The following C16orf95 variants were observed in gnomAD, a reference collection of about 807,000 sequenced individuals.
C16orf95 encodes the protein uncharacterized protein C16orf95.
A neutral mutation model predicts 32.1 loss-of-function variants in C16orf95; 41 were observed. The observed-to-expected ratio is 1.28, with a 90% CI of 1.00 to 1.66. The LOEUF is 1.66. Among genes scored for constraint, C16orf95 ranks in the 40% most tolerant of loss-of-function variants. C16orf95 has a pLI of 0.00. For synonymous variants in C16orf95, 147 were observed against 128.9 expected (o/e 1.14, Z -0.95); for missense variants, 399 against 325.9 (o/e 1.22, Z -1.73).
rs865882767 is a variant in C16orf95 at position 87,305,621 on chromosome 16, C to A, written c.701+98G>T. On this transcript the variant is annotated intron_variant, in intron 6 of 6. Transcript: ENST00000567970. This position sits in a 1 kb window ranked among gnomAD's most constrained non-coding sequence, Gnocchi z 4.2. Reference sequence around the variant, plus strand: ...GGACGCCTGTCAAGTTAAGCCCCACCCCCCACTCTTCCACATCCCTGATGG... The same window carrying A: ...GGACGCCTGTCAAGTTAAGCCCCACACCCCACTCTTCCACATCCCTGATGG... 3.5e-6 allele frequency: 4 copies of A among 1,132,206 alleles called. No individual in the cohort carries two copies. The highest frequency in any genetic ancestry group is 2.9e-5 in the Admixed American group (1 of 33,930). 70.1% of individuals were successfully genotyped at this position (1,132,206 alleles called of 1,614,324 possible). A position where few individuals can be genotyped will look rare whatever the true frequency, so the allele number is the denominator to read the frequency against.
intron 2 of C16orf95, among the ~76,000 whole-genome samples, chr16:87,315,324 T>C (rs1367960748): frequency 6.6e-6 from 1 of 152,166 alleles, no homozygotes; most frequent in Non-Finnish European, 1.5e-5. Flanking sequence ...GCGCTGGGAT[T>C]CTCAGCTGCT....
chr16:87,316,983 G>T, intron 1 of C16orf95, 108 bp downstream of exon 1: 1 of 1,388,984 alleles, frequency 7.2e-7, no homozygotes, highest in East Asian at 2.8e-5. Flanking sequence ...GGTTCCTGTG[G>T]GTGGCGGTCA....
chr16:87,304,407 C>T (rs1328527703), intron 6 of C16orf95, among the ~76,000 whole-genome samples: 2 of 152,244 alleles, frequency 1.3e-5, no homozygotes, highest in South Asian at 2.1e-4. Context: ...CCCAGCCTTG[C>T]CCATCCTTTA....
At chr16:87,316,321 A>T (rs1904333306) in intron 1 of C16orf95, among the ~76,000 whole-genome samples, 1 of 152,188 alleles carries the variant, frequency 6.6e-6, no homozygotes, top group South Asian at 2.1e-4. Flanking sequence ...ACTTGGGGTT[A>T]CACAGCCTGT....
chr16:87,315,013 T>C lies in C16orf95; in HGVS notation c.288A>G (p.Ala96=). The C allele has an allele frequency of 6.5e-7, 1 of 1,536,098 alleles. No individual in the cohort carries two copies. The highest frequency in any genetic ancestry group is 1.2e-5 in the South Asian group (1 of 84,066). The change falls in exon 3 of 7, where the codon GCA becomes GCG. Residue 96 remains alanine (A), a synonymous_variant. Coordinates refer to ENST00000567970, the MANE Select transcript of C16orf95 (RefSeq NM_001195124.3). ...GRLPVSRVEA[A]LPYWVPLSLR... ...GGGACAGAGGGACCCAGTAAGGCAG[T>C]GCTGCTTCCACCCTGGACACAGGCA... is the stretch of plus-strand genomic sequence containing the variant.
chr16:87,312,569 A>C (rs1054880969), intron 3 of C16orf95, among the ~76,000 whole-genome samples: 3 of 42,418 alleles, frequency 7.1e-5, no homozygotes, highest in Non-Finnish European at 2.4e-4. Context: ...ACTCCATCTC[A>C]AAAAAAAAAA....
chr16:87,310,472 G>A (rs1911231142), intron 4 of C16orf95, 139 bp from the exon 5 acceptor site: 1 of 785,428 alleles, frequency 1.3e-6, no homozygotes, highest in East Asian at 2.7e-5. Flanking sequence ...TATGAGGTCT[G>A]CGGGCTCTTT....
intron 3 of C16orf95, among the ~76,000 whole-genome samples, chr16:87,311,728 TAGAC>T (rs1465921137): frequency 2.6e-5 from 4 of 152,214 alleles, no homozygotes; most frequent in South Asian, 2.1e-4. Context: ...GGTTCTAAAA[TAGAC>T]AGCCTTTGAT....
intron 3 of C16orf95, among the ~76,000 whole-genome samples, chr16:87,312,807 G>C (rs916418041): frequency 6.6e-6 from 1 of 152,044 alleles, no homozygotes; most frequent in Admixed American, 6.5e-5. Flanking sequence ...TCCACAAAAA[G>C]AGCTACTAGA....
chr16:87,314,570 G>A (rs145249779), intron 3 of C16orf95, among the ~76,000 whole-genome samples: 5 of 152,320 alleles, frequency 3.3e-5, no homozygotes, highest in Non-Finnish European at 5.9e-5. Context: ...TTGTGTATAT[G>A]CTCATTATCT....
chr16:87,315,693 G>T, intron 2 of C16orf95, 79 bp downstream of exon 2: 6 of 1,115,290 alleles, frequency 5.4e-6, no homozygotes, highest in South Asian at 3.4e-5. Context: ...GCAGCTTCTG[G>T]ACCCACATTC....
chr16:87,307,733 G>A (rs957911034), intron 5 of C16orf95, among the ~76,000 whole-genome samples: 1 of 152,156 alleles, frequency 6.6e-6, no homozygotes, highest in Non-Finnish European at 1.5e-5. Flanking sequence ...ACTCCAGCCT[G>A]GGTGACAGAG....
Position 87,305,791 on chromosome 16 carries a change from G to T in C16orf95, c.629C>A (p.Pro210His). Reference sequence around the variant, plus strand: ...GCCGAGGGGCAGCAGACGCGCTGCAGGAGCCGGTAGCTGGTCCTGGTAGGG... The same window carrying T: ...GCCGAGGGGCAGCAGACGCGCTGCATGAGCCGGTAGCTGGTCCTGGTAGGG... ...QAPYQDQLPA[P>H]AARLLPLGLL... The change falls in exon 6 of 7, where the codon CCT (proline) becomes CAT (histidine). Residue 210 changes from proline to histidine, a missense_variant. Pro to His is a moderately conservative substitution (Grantham distance 77). Transcript: ENST00000567970. The surrounding 1 kb of genome is among the most constrained non-coding windows in gnomAD (Gnocchi z 4.2). The T allele has an allele frequency of 6.6e-7, 1 of 1,518,014 alleles. No homozygotes were observed. The highest frequency in any genetic ancestry group is 1.2e-5 in the South Asian group (1 of 82,668). 94.0% of individuals were successfully genotyped at this position (1,518,014 alleles called of 1,614,324 possible).
chr16:87,311,598 G>A (rs1430650674), intron 3 of C16orf95, among the ~76,000 whole-genome samples: 2 of 152,240 alleles, frequency 1.3e-5, no homozygotes, highest in African/African-American at 4.8e-5. Flanking sequence ...TGGGAGACCT[G>A]GCTCTGTCCT....
At chr16:87,311,350 C>T (rs1911278484) in intron 3 of C16orf95, 54 bp from the exon 4 acceptor site, 3 of 1,458,678 alleles carry the variant, frequency 2.1e-6, no homozygotes. Context: ...CCATGCCTGT[C>T]CCCAATGACT....
intron 1 of C16orf95, 126 bp downstream of exon 1, chr16:87,316,965 G>A: frequency 4.4e-6 from 6 of 1,369,952 alleles, no homozygotes; most frequent in Non-Finnish European, 5.7e-6. Context: ...TTAAGCCAAT[G>A]TAAGTGAGGT....
At chr16:87,308,878 G>C (rs1245563038) in intron 5 of C16orf95, among the ~76,000 whole-genome samples, 3 of 152,228 alleles carry the variant, frequency 2.0e-5, no homozygotes, top group Non-Finnish European at 4.4e-5. Context: ...TCAGAATTGT[G>C]TAAGCTGAGC....
At chr16:87,316,877 T>C (rs1904359751) in intron 1 of C16orf95, among the ~76,000 whole-genome samples, 2 of 152,204 alleles carry the variant, frequency 1.3e-5, no homozygotes, top group Admixed American at 1.3e-4. Flanking sequence ...CCATGGTCAA[T>C]GTGTACCTGG....
chr16:87,310,896 C>CT (rs1911253223), intron 4 of C16orf95, among the ~76,000 whole-genome samples: 1 of 152,164 alleles, frequency 6.6e-6, no homozygotes, highest in Admixed American at 6.5e-5. Context: ...AATCACCCCT[C>CT]TGCAGAGAGC....
Sources: gnomAD v4.1 joint callset for allele counts (sites outside exome capture counted in the v4.1 genomes callset) on GRCh38, gnomAD v4.1.1 for gene constraint, Gnocchi (gnomAD v3.1) non-coding constraint, MANE v1.5 for transcripts, NCBI Gene and HGNC (gene_info 2026-07-23, HGNC 2026-07-21) for gene names.